The following IL1RAPL1 variants were observed in gnomAD, a reference collection of about 807,000 sequenced individuals.
IL1RAPL1 encodes the protein interleukin 1 receptor accessory protein like 1.
In IL1RAPL1, 3 loss-of-function variants were observed where a neutral mutation model predicts 48.4. The observed-to-expected ratio is 0.06, with a 90% confidence interval of 0.03 to 0.16. The LOEUF is 0.16. Ranked by LOEUF, IL1RAPL1 falls within the 10% of genes least tolerant of loss-of-function variation. The pLI, the probability that IL1RAPL1 is intolerant of heterozygous loss-of-function variation, is 1.00. For synonymous variants in IL1RAPL1, 185 were observed against 187.7 expected, an observed-to-expected ratio of 0.99 and a Z score of 0.12; for missense variants, 349 against 530.6, an observed-to-expected ratio of 0.66 and a Z score of 3.36.
chrX:28,962,970 A>G (rs1016778559), intron 2 of IL1RAPL1, among the ~76,000 whole-genome samples: 7 of 108,890 alleles, frequency 6.4e-5, no homozygotes, highest in Non-Finnish European at 1.1e-4. Flanking sequence ...ATACTGCAGC[A>G]TTTTTTAATT....
chrX:28,688,481 A>G (rs1935139706), intron 1 of IL1RAPL1, among the ~76,000 whole-genome samples: 1 of 111,873 alleles, frequency 8.9e-6, no homozygotes, highest in Non-Finnish European at 1.9e-5. Context: ...AAGCACTTGG[A>G]TTATAGGCAT....
intron 3 of IL1RAPL1, among the ~76,000 whole-genome samples, chrX:29,340,269 A>G (rs1362911205): frequency 9.0e-6 from 1 of 111,414 alleles, no homozygotes; most frequent in African/African-American, 3.3e-5. Context: ...ATCTCTATCT[A>G]GTTCCAGAAT....
chrX:29,495,818 C>T (rs750923897), intron 5 of IL1RAPL1, among the ~76,000 whole-genome samples: 3 of 111,239 alleles, frequency 2.7e-5, no homozygotes, highest in African/African-American at 6.5e-5. Flanking sequence ...TACATACTAT[C>T]GCTATTGCAC....
chrX:29,140,868 C>A (rs778043891), intron 2 of IL1RAPL1, among the ~76,000 whole-genome samples: 1 of 111,128 alleles, frequency 9.0e-6, no homozygotes, highest in South Asian at 3.8e-4. Context: ...GACCTAATTA[C>A]CTGCTAAACA....
At chrX:28,893,661 A>T (rs1922831695) in intron 2 of IL1RAPL1, among the ~76,000 whole-genome samples, 1 of 111,317 alleles carries the variant, frequency 9.0e-6, no homozygotes, top group Non-Finnish European at 1.9e-5. Context: ...ATCCCTGAGA[A>T]GTAGTAGAAT....
intron 1 of IL1RAPL1, among the ~76,000 whole-genome samples, chrX:28,665,976 G>A (rs1280807034): frequency 8.9e-6 from 1 of 112,116 alleles, no homozygotes; most frequent in East Asian, 2.8e-4. Flanking sequence ...TGCCCACGCT[G>A]CACTGGCCTA....
chrX:29,517,969 A>C (rs1467025733), intron 5 of IL1RAPL1, among the ~76,000 whole-genome samples: 1 of 111,930 alleles, frequency 8.9e-6, no homozygotes, highest in African/African-American at 3.2e-5. Context: ...ATTTTTCCAG[A>C]GAGAAGAGGA....
intron 5 of IL1RAPL1, among the ~76,000 whole-genome samples, chrX:29,591,342 A>C (rs1298248719): frequency 2.7e-5 from 3 of 112,570 alleles, no homozygotes; most frequent in African/African-American, 9.7e-5. Context: ...GATGTGGCAA[A>C]AAAGACTTCT....
At chrX:29,197,707 A>ATTTTTTT (rs201963010) in intron 2 of IL1RAPL1, among the ~76,000 whole-genome samples, 1 of 93,834 alleles carries the variant, frequency 1.1e-5, no homozygotes, top group African/African-American at 4.2e-5. Flanking sequence ...TTCAGTGAGA[A>ATTTTTTT]TTTTTTTTTT....
rs763665018 is a variant in IL1RAPL1, at chrX:29,669,205, A to G, written c.778+701A>G. On this transcript the variant is annotated intron_variant, in intron 6 of 10. Coordinates refer to ENST00000378993, the MANE Select transcript of IL1RAPL1 (RefSeq NM_014271.4). Reference sequence around the variant, plus strand: ...TCTTAATTATAAATATATACATAGCAATTCTGTTATATTCTCTTAGGTCTT... The same window carrying G: ...TCTTAATTATAAATATATACATAGCGATTCTGTTATATTCTCTTAGGTCTT... 7.2e-5 allele frequency among the ~76,000 whole-genome samples: 8 copies of G among 111,747 alleles called. No individual in the cohort carries two copies. In the South Asian group the frequency reaches 2.9e-3, roughly 41 times the overall value.
intron 5 of IL1RAPL1, among the ~76,000 whole-genome samples, chrX:29,536,564 C>T (rs912314675): frequency 1.8e-5 from 2 of 110,697 alleles, no homozygotes; most frequent in African/African-American, 6.5e-5. Flanking sequence ...CATTATATCA[C>T]TGGGGAAACA....
intron 5 of IL1RAPL1, among the ~76,000 whole-genome samples, chrX:29,583,899 G>A (rs5927841): frequency 0.32 from 35,659 of 110,491 alleles, 4,210 homozygotes; most frequent in South Asian, 0.46. Flanking sequence ...CAGGCACTCA[G>A]AAGTAATTGT....
chrX:29,124,510 A>G (rs1480705779), intron 2 of IL1RAPL1, among the ~76,000 whole-genome samples: 1 of 112,601 alleles, frequency 8.9e-6, no homozygotes, highest in East Asian at 2.8e-4. Context: ...GTGGCCATAA[A>G]AAAGGCTCTG....
At chrX:29,471,623 C>T (rs753969464) in intron 5 of IL1RAPL1, among the ~76,000 whole-genome samples, 1 of 111,620 alleles carries the variant, frequency 9.0e-6, no homozygotes, top group Non-Finnish European at 1.9e-5. Context: ...ATTCCGTTCC[C>T]AAGCTTAACT....
chrX:29,133,868 G>C (rs1215228050), intron 2 of IL1RAPL1, among the ~76,000 whole-genome samples: 3 of 111,020 alleles, frequency 2.7e-5, no homozygotes, highest in Non-Finnish European at 5.7e-5. Flanking sequence ...CCTAACCCTT[G>C]GCAACCAGTG....
intron 2 of IL1RAPL1, among the ~76,000 whole-genome samples, chrX:28,903,725 C>A (rs181679922): frequency 9.0e-6 from 1 of 110,906 alleles, no homozygotes; most frequent in East Asian, 2.9e-4. Context: ...CAATCAACAA[C>A]TAACCAAATA....
chrX:28,650,085 C>T (rs1400936896), intron 1 of IL1RAPL1, among the ~76,000 whole-genome samples: 1 of 111,807 alleles, frequency 8.9e-6, no homozygotes, highest in East Asian at 2.8e-4. Context: ...AAAACCAGGA[C>T]ACATGAAGGA....
intron 5 of IL1RAPL1, among the ~76,000 whole-genome samples, chrX:29,565,076 C>T (rs1429214399): frequency 9.0e-6 from 1 of 111,706 alleles, no homozygotes; most frequent in Non-Finnish European, 1.9e-5. Flanking sequence ...TCATGCATCC[C>T]TCTTTTCATT....
intron 6 of IL1RAPL1, among the ~76,000 whole-genome samples, chrX:29,795,111 G>A (rs1929713582): frequency 9.0e-6 from 1 of 111,655 alleles, no homozygotes; most frequent in South Asian, 3.7e-4. Context: ...TTCCGGATAG[G>A]TTTGAACTAT....
Sources: allele counts gnomAD v4.1 joint callset (sites outside exome capture counted in the v4.1 genomes callset), GRCh38; gene constraint gnomAD v4.1.1; transcripts MANE v1.5; gene names NCBI Gene and HGNC (gene_info 2026-07-23, HGNC 2026-07-21).